The following ERMP1 variants were observed in gnomAD, a reference collection of about 807,000 sequenced individuals.
ERMP1 encodes endoplasmic reticulum metallopeptidase 1.
In ERMP1, 86 loss-of-function variants were observed where a neutral mutation model predicts 92.0. The observed-to-expected ratio is 0.93, with a 90% confidence interval of 0.79 to 1.12. ERMP1 has a LOEUF of 1.12. Ranked by LOEUF, ERMP1 falls within the 50% of genes most tolerant of loss-of-function variation. ERMP1 has a pLI of 0.00. For missense variants in ERMP1, 1,342 were observed against 1,116.3 expected, an observed-to-expected ratio of 1.20 and a Z score of -2.88; for synonymous variants, 530 against 412.8, an observed-to-expected ratio of 1.28 and a Z score of -3.44.
chr9:5,840,607 CG>C (rs1830151261), intron 6 of ERMP1, among the ~76,000 whole-genome samples: 1 of 152,234 alleles, frequency 6.6e-6, no homozygotes, highest in African/African-American at 2.4e-5. Flanking sequence ...AGAGGCAGTA[CG>C]ATGCCGCAGT....
intron 13 of ERMP1, among the ~76,000 whole-genome samples, chr9:5,794,203 AAG>A (rs1288846582): frequency 2.0e-5 from 3 of 152,106 alleles, no homozygotes; most frequent in African/African-American, 7.2e-5. Context: ...TGGGTCAAAA[AAG>A]AAGTCTCAAG....
rs1329111994 is a variant in ERMP1 at position 5,805,791 on chromosome 9, A to T, written c.1549-6T>A. On this transcript the variant is annotated splice_region_variant and splice_polypyrimidine_tract_variant and intron_variant, in intron 8 of 14. Coordinates refer to ENST00000339450, the MANE Select transcript of ERMP1 (RefSeq NM_024896.3). Reference sequence around the variant, plus strand: ...AGATACTGGGCACTGGCATTCTGAAAGAAAGAAAAATATACAAGTAGTCTC... The same window carrying T: ...AGATACTGGGCACTGGCATTCTGAATGAAAGAAAAATATACAAGTAGTCTC... The T allele has an allele frequency of 6.3e-7, 1 of 1,587,674 alleles. No individual in the cohort carries two copies. The highest frequency in any genetic ancestry group is 8.5e-7 in the Non-Finnish European group (1 of 1,170,872).
At chr9:5,792,287 C>T (rs552993013) in intron 13 of ERMP1, among the ~76,000 whole-genome samples, 7 of 151,966 alleles carry the variant, frequency 4.6e-5, no homozygotes, top group African/African-American at 1.4e-4. Flanking sequence ...ATAATGAAAT[C>T]GATATTTGAA....
rs1344023222 is a variant in ERMP1, at chr9:5,786,202, A to G, written c.*942T>C. On this transcript the variant is annotated 3_prime_UTR_variant, in exon 15 of 15. Transcript: ENST00000339450. ...TTATACCATGAAGGACTAACCTTGT[A>G]TAACACAAGACTCCTATGAAACAAA... is the stretch of plus-strand genomic sequence containing the variant. 6.6e-6 allele frequency: 1 copy of G among 152,230 alleles called. No individual in the cohort carries two copies. The highest frequency in any genetic ancestry group is 1.5e-5 in the Non-Finnish European group (1 of 68,060). 9.4% of individuals were successfully genotyped at this position (152,230 alleles called of 1,614,324 possible).
At chr9:5,848,633 T>C (rs933862022) in intron 6 of ERMP1, among the ~76,000 whole-genome samples, 11 of 152,348 alleles carry the variant, frequency 7.2e-5, no homozygotes, top group Admixed American at 3.9e-4. Context: ...AGGGAACTAA[T>C]TATTTTTTAA....
chr9:5,824,627 T>C (rs989414015), intron 3 of ERMP1, among the ~76,000 whole-genome samples: 1 of 151,982 alleles, frequency 6.6e-6, no homozygotes, highest in Admixed American at 6.5e-5. Flanking sequence ...GGTCTCAAAC[T>C]CCTGACCTCG....
intron 13 of ERMP1, among the ~76,000 whole-genome samples, chr9:5,795,444 A>G (rs1828380808): frequency 1.3e-5 from 2 of 152,184 alleles, no homozygotes; most frequent in African/African-American, 2.4e-5. Flanking sequence ...GAAGGAGGAA[A>G]TAAAACTGTC....
intron 13 of ERMP1, among the ~76,000 whole-genome samples, chr9:5,789,661 C>T (rs1043621295): frequency 3.9e-5 from 6 of 151,944 alleles, no homozygotes; most frequent in African/African-American, 7.2e-5. Flanking sequence ...CATGAACAGC[C>T]CACTGCTCTG....
At chr9:5,857,735 G>A (rs570397978) in intron 6 of ERMP1, among the ~76,000 whole-genome samples, 7 of 152,272 alleles carry the variant, frequency 4.6e-5, no homozygotes, top group Middle Eastern at 3.4e-3. Context: ...ATCATCCCAC[G>A]TTATCTGTAG....
In ERMP1 at chr9:5,811,132, A is replaced by G. The variant is rs371168276; in HGVS notation, c.1306T>C (p.Phe436Leu). 1.9e-6 allele frequency: 3 copies of G among 1,613,692 alleles called. No homozygotes were observed. Among genetic ancestry groups the G allele is most frequent in the East Asian group, 2.2e-5 (1 of 44,880 alleles). ...TTACTCTTATGTTTGGGCTGCAAAA[A>G]TTTTTTGCCCAGGTACAAAACAACA... ...MGVVLYLGKK[F>L]LQPKHKTGNY... is the part of the protein sequence containing the mutation. The change falls in exon 7 of 15, where the codon TTT becomes CTT. Residue 436 changes from phenylalanine to leucine, a missense_variant. Physicochemically the swap from Phe to Leu is conservative, Grantham distance 22. Coordinates refer to ENST00000339450, the MANE Select transcript of ERMP1 (RefSeq NM_024896.3).
At position 5,797,874 on chromosome 9, in the gene ERMP1, G is replaced by C; in HGVS notation, c.2329C>G (p.Leu777Val). The C allele has an allele frequency of 1.2e-6, 2 of 1,613,932 alleles. No individual in the cohort carries two copies. Among genetic ancestry groups the C allele is most frequent in the Non-Finnish European group, 1.7e-6 (2 of 1,179,890 alleles). ...CAAGGTGTCTGTTCTTTGGATATGA[G>C]TCGGAAATGAGGAGGATTTCTTGGA... ...VSPRNPPHFR[L>V]ISKEQTPWDS... The change falls in exon 13 of 15, where the codon CTC becomes GTC. Residue 777 changes from leucine (L) to valine (V), a missense_variant. Transcript: ENST00000339450.
At chr9:5,799,281 A>C (rs1183704735) in intron 11 of ERMP1, among the ~76,000 whole-genome samples, 1 of 152,242 alleles carries the variant, frequency 6.6e-6, no homozygotes, top group East Asian at 1.9e-4. Flanking sequence ...AAAGACGTTA[A>C]TGTTAGAGCT....
In ERMP1 at chr9:5,785,355, T is replaced by G. The variant is rs1827893045; in HGVS notation, c.*1789A>C. On this transcript the variant is annotated 3_prime_UTR_variant, in exon 15 of 15. Transcript: ENST00000339450. ...TAAAATTCATTGAGAAATTATTACT[T>G]TTTCTCCACAACTGTGATTCTATAC... 1 of 152,156 alleles carries G rather than the reference T, an allele frequency of 6.6e-6. No homozygotes were observed. The highest frequency in any genetic ancestry group is 1.5e-5 in the Non-Finnish European group (1 of 68,036). 9.4% of individuals were successfully genotyped at this position (152,156 alleles called of 1,614,324 possible).
At chr9:5,812,302 A>G in intron 5 of ERMP1, 85 bp from the exon 6 acceptor site, 1 of 758,724 alleles carries the variant, frequency 1.3e-6, no homozygotes, top group Non-Finnish European at 2.1e-6. Context: ...TAAATTCCTA[A>G]AAGACAAAAT....
At position 5,785,149 on chromosome 9, in the gene ERMP1, C is replaced by G. The variant is rs565134283; in HGVS notation, c.*1995G>C. ...TGTACAATACCAAAGCTTCATAATG[C>G]TAAAGAAAACCAAAACAAAAGACAA... On this transcript the variant is annotated 3_prime_UTR_variant, in exon 15 of 15. Coordinates refer to ENST00000339450, the MANE Select transcript of ERMP1 (RefSeq NM_024896.3). The G allele has an allele frequency of 5.9e-5, 9 of 151,890 alleles. No homozygotes were observed. 9.4% of individuals were successfully genotyped at this position (151,890 alleles called of 1,614,324 possible).
chr9:5,790,169 CTTTT>C (rs371493040), intron 13 of ERMP1, among the ~76,000 whole-genome samples: 4 of 126,804 alleles, frequency 3.2e-5, no homozygotes, highest in African/African-American at 1.2e-4. Flanking sequence ...AAAACAATAC[CTTTT>C]TTTTTTTTTT....
At position 5,812,979 on chromosome 9, in the gene ERMP1, C is replaced by A. The variant is rs767603607; in HGVS notation, c.931G>T (p.Ala311Ser). The A allele has an allele frequency of 6.2e-7, 1 of 1,614,014 alleles. No individual in the cohort carries two copies. Among genetic ancestry groups the A allele is most frequent in the South Asian group, 1.1e-5 (1 of 91,080 alleles). The change falls in exon 5 of 15, where the codon GCT becomes TCT. Residue 311 changes from alanine to serine, a missense_variant. By Grantham distance (99) the Ala-to-Ser change is moderately conservative. Transcript: ENST00000339450. ...AAAACCTCCTGAGCCACCACAGAAG[C>A]AAAAGGGTGTTTAGCTGCTGAAACA... is the stretch of plus-strand genomic sequence containing the variant. ...AYVSAAKHPF[A>S]SVVAQEVFQS...
At chr9:5,798,730 T>C in intron 12 of ERMP1, 76 bp downstream of exon 12, 1 of 896,656 alleles carries the variant, frequency 1.1e-6, no homozygotes, top group South Asian at 1.5e-5. Context: ...GGATGGCAGT[T>C]TAAATGATAA....
intron 7 of ERMP1, 25 bp from the exon 8 acceptor site, chr9:5,810,256 G>A: frequency 1.9e-6 from 3 of 1,551,490 alleles, no homozygotes; most frequent in Non-Finnish European, 2.7e-6. Flanking sequence ...ACAAAAAGTT[G>A]AAATCACCAT....
Sources: gnomAD v4.1 joint callset for allele counts (sites outside exome capture counted in the v4.1 genomes callset) on GRCh38, gnomAD v4.1.1 for gene constraint, MANE v1.5 for transcripts, NCBI Gene and HGNC (gene_info 2026-07-23, HGNC 2026-07-21) for gene names.